The following COL19A1 variants were observed in gnomAD, a reference collection of about 807,000 sequenced individuals.
COL19A1 encodes the protein collagen type XIX alpha 1 chain.
In COL19A1, 159 loss-of-function variants were observed where a neutral mutation model predicts 190.2. That is an observed-to-expected ratio of 0.84 (90% CI 0.73 to 0.95). COL19A1 has a LOEUF of 0.95. Ranked by LOEUF, COL19A1 falls within the 40% of genes least tolerant of loss-of-function variation. COL19A1 has a pLI of 0.00. For synonymous variants in COL19A1, 509 were observed against 458.9 expected, an observed-to-expected ratio of 1.11 and a Z score of -1.39; for missense variants, 1,418 against 1,431.9, an observed-to-expected ratio of 0.99 and a Z score of 0.16.
At chr6:70,025,026 CTTTT>C (rs1201144149) in intron 12 of COL19A1, among the ~76,000 whole-genome samples, 1 of 137,698 alleles carries the variant, frequency 7.3e-6, no homozygotes, top group Non-Finnish European at 1.6e-5. Flanking sequence ...GGGATAGATT[CTTTT>C]TTTTTTTTTT....
intron 33 of COL19A1, 93 bp from the exon 34 acceptor site, chr6:70,156,577 A>G: frequency 1.5e-6 from 2 of 1,366,554 alleles, no homozygotes; most frequent in Non-Finnish European, 2.0e-6. Flanking sequence ...TGTCCAAATT[A>G]CATGCCCCAA....
intron 18 of COL19A1, among the ~76,000 whole-genome samples, chr6:70,136,737 G>A (rs1785897672): frequency 1.3e-5 from 2 of 151,920 alleles, no homozygotes; most frequent in South Asian, 4.2e-4. Flanking sequence ...TTCATTTTGG[G>A]TACCTGGTAC....
rs190164965 is a variant in COL19A1, at chr6:70,146,926, C to T, written c.1893+37C>T. On this transcript the variant is annotated intron_variant, in intron 27 of 50. Coordinates refer to ENST00000620364, the MANE Select transcript of COL19A1 (RefSeq NM_001858.6). The stretch of plus-strand genomic sequence containing the variant: ...TCATTCGAGTCCTTGTTGATTCCAA[C>T]ATTGTGAAACAAAATCCAGTGTCAA... 6 of 1,503,384 alleles carry T rather than the reference C, an allele frequency of 4.0e-6. No homozygotes were observed. In the East Asian group the frequency reaches 1.2e-4, roughly 29 times the overall value. 93.1% of individuals were successfully genotyped at this position (1,503,384 alleles called of 1,614,324 possible).
intron 33 of COL19A1, 131 bp downstream of exon 33, chr6:70,156,500 A>C: frequency 1.0e-6 from 1 of 972,728 alleles, no homozygotes; most frequent in Non-Finnish European, 1.5e-6. Flanking sequence ...ATATGGAGAG[A>C]GAGAGAGAGA....
At chr6:69,897,419 T>G (rs1769858294) in intron 2 of COL19A1, among the ~76,000 whole-genome samples, 1 of 151,976 alleles carries the variant, frequency 6.6e-6, no homozygotes, top group African/African-American at 2.4e-5. Flanking sequence ...GCTTGTTTTC[T>G]GTAGTTTCAT....
At chr6:70,155,325 C>A (rs1325850219) in intron 31 of COL19A1, among the ~76,000 whole-genome samples, 1 of 152,118 alleles carries the variant, frequency 6.6e-6, no homozygotes, top group Non-Finnish European at 1.5e-5. Context: ...AACTATCTCC[C>A]CCACTCAGTG....
At chr6:69,921,471 C>CATATATTCATATATATTCAT (rs1214904208) in intron 4 of COL19A1, among the ~76,000 whole-genome samples, 2 of 9,814 alleles carry the variant, frequency 2.0e-4, no homozygotes, top group Non-Finnish European at 3.5e-4. Context: ...CATATATATT[C>CATATATTCATATATATTCAT]ATATATTCAT....
At chr6:70,112,201 TC>T (rs1262946824) in intron 16 of COL19A1, among the ~76,000 whole-genome samples, 1 of 152,164 alleles carries the variant, frequency 6.6e-6, no homozygotes, top group Non-Finnish European at 1.5e-5. Flanking sequence ...GCACAGTTGT[TC>T]CTAAGGTATG....
chr6:70,206,669 G>T (rs1184751895), intron 49 of COL19A1, among the ~76,000 whole-genome samples: 1 of 150,852 alleles, frequency 6.6e-6, no homozygotes, highest in African/African-American at 2.4e-5. Flanking sequence ...TGACTAGTTG[G>T]AACTTTTTAT....
At chr6:69,998,002 C>T (rs936428071) in intron 11 of COL19A1, among the ~76,000 whole-genome samples, 7 of 151,912 alleles carry the variant, frequency 4.6e-5, no homozygotes, top group South Asian at 2.1e-4. Flanking sequence ...TCATCATGTA[C>T]GTGAAAACAC....
At chr6:70,096,263 A>ATTT (rs35582806) in intron 15 of COL19A1, among the ~76,000 whole-genome samples, 3 of 145,466 alleles carry the variant, frequency 2.1e-5, no homozygotes, top group African/African-American at 5.1e-5. Flanking sequence ...TAATTTTTGT[A>ATTT]TTTTTTTTTT....
In COL19A1 at chr6:70,192,466, T is replaced by A. The variant is rs1287174316; in HGVS notation, c.3094+2085T>A. ...TTCATTCTCTTTCATTCTTTCTTCT[T>A]CTTTCTTTCTTTATTTCTCTCTCTC... On this transcript the variant is annotated intron_variant, in intron 48 of 50. Transcript: ENST00000620364. Among the ~76,000 whole-genome samples the A allele has an allele frequency of 2.7e-5, 4 of 145,620 alleles. No homozygotes were observed. In the East Asian group the frequency reaches 7.9e-4, roughly 29 times the overall value.
At chr6:70,118,416 C>G (rs1784703378) in intron 16 of COL19A1, among the ~76,000 whole-genome samples, 3 of 152,194 alleles carry the variant, frequency 2.0e-5, no homozygotes. Context: ...AGGGGGACTT[C>G]CAGAAGACTC....
At position 70,211,305 on chromosome 6, in the gene COL19A1, G is replaced by A. The variant is rs75689076; in HGVS notation, c.*4031G>A. 0.011 allele frequency among the ~76,000 whole-genome samples: 1,619 copies of A among 151,978 alleles called. 15 individuals carry two copies. Among genetic ancestry groups the A allele is most frequent in the Non-Finnish European group, 0.017 (1,149 of 67,912 alleles). On this transcript the variant is annotated 3_prime_UTR_variant, in exon 51 of 51. Transcript: ENST00000620364. ...AATTTCTGTTAAGTGTTTTGCTGAC[G>A]TTGTTTTAATGAATACTCAAAAAAG...
chr6:70,086,994 GT>G (rs35133152), intron 15 of COL19A1, among the ~76,000 whole-genome samples: 95,445 of 151,718 alleles, frequency 0.63, 30,289 homozygotes, highest in South Asian at 0.71. Context: ...TGTACCATGT[GT>G]TTTTTTTTAA....
intron 10 of COL19A1, among the ~76,000 whole-genome samples, chr6:69,961,635 C>G (rs556218570): frequency 4.9e-4 from 75 of 152,110 alleles, no homozygotes; most frequent in Non-Finnish European, 9.1e-4. Context: ...TACCTAACAA[C>G]TGACATATAT....
intron 12 of COL19A1, among the ~76,000 whole-genome samples, chr6:70,027,682 CAT>C (rs1778802488): frequency 6.7e-6 from 1 of 149,578 alleles, no homozygotes; most frequent in Admixed American, 6.6e-5. Flanking sequence ...GCATACAAAA[CAT>C]ATATTAAAAT....
At chr6:70,180,140 C>A (rs573477811) in intron 42 of COL19A1, among the ~76,000 whole-genome samples, 172 bp from the exon 43 acceptor site, 18 of 152,312 alleles carry the variant, frequency 1.2e-4, no homozygotes, top group South Asian at 2.1e-4. Context: ...TCCACCTCAG[C>A]GTCCCAAAGT....
intron 2 of COL19A1, among the ~76,000 whole-genome samples, chr6:69,896,543 C>CAAAAAAAAAAAAAAAAAAAAAAAAAA (rs61409385): frequency 1.4e-5 from 1 of 71,674 alleles, no homozygotes; most frequent in African/African-American, 6.0e-5. Flanking sequence ...GACTCCGTCT[C>CAAAAAAAAAAAAAAAAAAAAAAAAAA]AAAAAAAAAA....
Sources: allele counts gnomAD v4.1 joint callset (sites outside exome capture counted in the v4.1 genomes callset), GRCh38; gene constraint gnomAD v4.1.1; transcripts MANE v1.5; gene names NCBI Gene and HGNC (gene_info 2026-07-23, HGNC 2026-07-21).